The following ARHGEF18 variants were observed in gnomAD, a reference collection of about 807,000 sequenced individuals.
ARHGEF18 encodes the protein rho guanine nucleotide exchange factor 18.
A neutral mutation model predicts 155.7 loss-of-function variants in ARHGEF18; 93 were observed. The observed-to-expected ratio is 0.60, with a 90% CI of 0.50 to 0.71. ARHGEF18 has a LOEUF of 0.71. Among genes scored for constraint, ARHGEF18 ranks in the 30% least tolerant of loss-of-function variants. The pLI, the probability that ARHGEF18 is intolerant of heterozygous loss-of-function variation, is 0.00. For missense variants in ARHGEF18, 1,593 were observed against 1,816.1 expected (o/e 0.88, Z 2.23); for synonymous variants, 742 against 753.1 (o/e 0.99, Z 0.24).
intron 17 of ARHGEF18, 21 bp downstream of exon 17, chr19:7,453,736 A>C: frequency 3.3e-6 from 5 of 1,519,044 alleles, no homozygotes; most frequent in Non-Finnish European, 4.4e-6. Flanking sequence ...GCCCCTGCCC[A>C]CCTCTAGTGG....
intron 2 of ARHGEF18, among the ~76,000 whole-genome samples, chr19:7,365,308 T>C (rs1969835747): frequency 2.0e-5 from 3 of 152,134 alleles, no homozygotes; most frequent in Admixed American, 2.0e-4. Flanking sequence ...GCACCTGTAG[T>C]CCCAACTACT....
rs1405195580 is a variant in ARHGEF18, at chr19:7,463,262, G to A, written c.2636-556G>A. Among the ~76,000 whole-genome samples the A allele has an allele frequency of 2.6e-5, 4 of 152,252 alleles. No individual in the cohort carries two copies. The highest frequency in any genetic ancestry group is 4.1e-4 in the South Asian group (2 of 4,820). ...CAGGCCCACTGACATCCTTCCACCC[G>A]GCTCCAGTGGCCATTGTTCTTGGCC... On this transcript the variant is annotated intron_variant, in intron 21 of 28. Transcript: ENST00000668164. The surrounding 1 kb of genome is among the most constrained non-coding windows in gnomAD (Gnocchi z 5.2).
chr19:7,411,849 T>G (rs1972705502), intron 10 of ARHGEF18, among the ~76,000 whole-genome samples: 1 of 152,002 alleles, frequency 6.6e-6, no homozygotes. Flanking sequence ...AGAAGTGGAG[T>G]CACATACGAT....
intron 15 of ARHGEF18, among the ~76,000 whole-genome samples, chr19:7,449,998 C>T (rs1975255911): frequency 6.6e-6 from 1 of 152,174 alleles, no homozygotes; most frequent in African/African-American, 2.4e-5. Context: ...TTTGTATATA[C>T]AGCAGGTGAT....
chr19:7,436,996 A>G (rs1024379566), intron 10 of ARHGEF18, among the ~76,000 whole-genome samples: 40 of 152,306 alleles, frequency 2.6e-4, no homozygotes, highest in Middle Eastern at 3.4e-3. Flanking sequence ...ACAGCTACTG[A>G]GTATATGTGC....
Position 7,470,075 on chromosome 19 carries a change from G to A in ARHGEF18, c.3913+46G>A, listed in dbSNP as rs753835630. 1.0e-4 allele frequency: 165 copies of A among 1,611,258 alleles called. No individual in the cohort carries two copies. In the Admixed American group the frequency reaches 2.7e-3, roughly 26 times the overall value. ...ATGAGCCCAGTCCCAGGGCAGCGGGGCTGCGGCACCACCCGGCGACTGCTC... is the reference window on the plus strand; with the variant it reads ...ATGAGCCCAGTCCCAGGGCAGCGGGACTGCGGCACCACCCGGCGACTGCTC... On this transcript the variant is annotated intron_variant, in intron 28 of 28. Transcript: ENST00000668164. This position sits in a 1 kb window ranked among gnomAD's most constrained non-coding sequence, Gnocchi z 5.9.
chr19:7,383,614 G>A (rs1356659993), intron 10 of ARHGEF18, among the ~76,000 whole-genome samples: 1 of 152,084 alleles, frequency 6.6e-6, no homozygotes, highest in Non-Finnish European at 1.5e-5. Flanking sequence ...ATCCATTCCA[G>A]GCGTCTCTCC....
intron 10 of ARHGEF18, among the ~76,000 whole-genome samples, chr19:7,420,925 G>T (rs572302831): frequency 1.1e-4 from 16 of 152,240 alleles, no homozygotes; most frequent in Non-Finnish European, 1.8e-4. Context: ...GTTCAAAACT[G>T]TTTTTTGTTT....
intron 10 of ARHGEF18, among the ~76,000 whole-genome samples, chr19:7,394,012 C>A (rs942479474): frequency 9.1e-6 from 1 of 110,432 alleles, no homozygotes; most frequent in African/African-American, 6.6e-5. Context: ...GTCTATGCTG[C>A]CTCTTTTTTT....
intron 8 of ARHGEF18, among the ~76,000 whole-genome samples, chr19:7,382,289 G>A (rs542761156): frequency 5.5e-4 from 84 of 152,174 alleles, no homozygotes; most frequent in African/African-American, 1.8e-3. Context: ...CCAGCTACTC[G>A]GGAGGCTGAG....
intron 10 of ARHGEF18, among the ~76,000 whole-genome samples, chr19:7,428,165 T>G (rs1014768604): frequency 2.0e-5 from 3 of 152,110 alleles, no homozygotes; most frequent in Non-Finnish European, 4.4e-5. Context: ...TGAAACTGAA[T>G]GGGGGTGGGT....
At position 7,439,752 on chromosome 19, in the gene ARHGEF18, C is replaced by G. The variant is rs1974505521; in HGVS notation, c.968-592C>G. 38 of 1,391,218 alleles carry G rather than the reference C, an allele frequency of 2.7e-5. No individual in the cohort carries two copies. In the South Asian group the frequency reaches 6.4e-4, roughly 23 times the overall value. 86.2% of individuals were successfully genotyped at this position (1,391,218 alleles called of 1,614,324 possible). A position where few individuals can be genotyped will look rare whatever the true frequency, so the allele number is the denominator to read the frequency against. On this transcript the variant is annotated intron_variant, in intron 10 of 28. Transcript: ENST00000668164. ...CTAACATCTGATCTAGATTAATTAT[C>G]ATCATGTGCGAGGTTTTGGCATGAA...
At chr19:7,385,443 C>CATT (rs142755963) in intron 10 of ARHGEF18, among the ~76,000 whole-genome samples, 27,204 of 136,482 alleles carry the variant, frequency 0.2, 2,934 homozygotes, top group Non-Finnish European at 0.23. Flanking sequence ...CTGGGAACTT[C>CATT]ATTATTATTA....
downstream of ARHGEF18, among the ~76,000 whole-genome samples, chr19:7,474,175 C>T (rs1201580809): frequency 6.6e-6 from 1 of 151,870 alleles, no homozygotes; most frequent in African/African-American, 2.4e-5. Flanking sequence ...CCCATCTCTA[C>T]TAAAAACACA....
intron 10 of ARHGEF18, among the ~76,000 whole-genome samples, chr19:7,436,197 CTTTT>C (rs567879436): frequency 3.8e-5 from 3 of 78,562 alleles, no homozygotes; most frequent in Admixed American, 1.4e-4. Context: ...AGCATTTCTT[CTTTT>C]TTTTTTTTTT....
At chr19:7,434,494 A>C (rs1974144436) in intron 10 of ARHGEF18, among the ~76,000 whole-genome samples, 1 of 152,168 alleles carries the variant, frequency 6.6e-6, no homozygotes, top group South Asian at 2.1e-4. Context: ...TACAGTGGCC[A>C]CAGCGGGCCA....
chr19:7,350,810 G>T (rs1341316786), intron 1 of ARHGEF18, among the ~76,000 whole-genome samples: 2 of 144,782 alleles, frequency 1.4e-5, no homozygotes, highest in African/African-American at 5.2e-5. Flanking sequence ...GTGTGTGTGT[G>T]TGTGTGTGTT....
At chr19:7,426,213 C>T (rs917471297) in intron 10 of ARHGEF18, among the ~76,000 whole-genome samples, 2 of 152,026 alleles carry the variant, frequency 1.3e-5, no homozygotes, top group South Asian at 4.1e-4. Context: ...ATAACCTGGG[C>T]GCGGTGGCTC....
chr19:7,470,072 G>C lies in ARHGEF18; in HGVS notation c.3913+43G>C. The C allele has an allele frequency of 6.2e-7, 1 of 1,611,296 alleles. No homozygotes were observed. The highest frequency in any genetic ancestry group is 1.1e-5 in the South Asian group (1 of 90,976). ...GACATGAGCCCAGTCCCAGGGCAGC[G>C]GGGCTGCGGCACCACCCGGCGACTG... is the stretch of plus-strand genomic sequence containing the variant. On this transcript the variant is annotated intron_variant, in intron 28 of 28. Transcript: ENST00000668164. The surrounding 1 kb of genome is among the most constrained non-coding windows in gnomAD (Gnocchi z 5.9).
Sources: gnomAD v4.1 joint callset for allele counts (sites outside exome capture counted in the v4.1 genomes callset) on GRCh38, gnomAD v4.1.1 for gene constraint, Gnocchi (gnomAD v3.1) non-coding constraint, MANE v1.5 for transcripts, NCBI Gene and HGNC (gene_info 2026-07-23, HGNC 2026-07-21) for gene names.